Variants in ZNF676 observed in about 807,000 individuals in gnomAD.
ZNF676 encodes zinc finger protein 676.
In ZNF676, 4 loss-of-function variants were observed where a neutral mutation model predicts 6.0. The observed-to-expected ratio is 0.67, with a 90% CI of 0.33 to 1.53. The LOEUF is 1.53. Ranked by LOEUF, ZNF676 falls within the 40% of genes most tolerant of loss-of-function variation. ZNF676 has a pLI of 0.06. For missense variants in ZNF676, 644 were observed against 679.7 expected, an observed-to-expected ratio of 0.95 and a Z score of 0.58; for synonymous variants, 198 against 223.1, an observed-to-expected ratio of 0.89 and a Z score of 1.00.
the ZNF676 span, among the ~76,000 whole-genome samples, chr19:22,253,666 A>G: frequency 1.3e-5 from 2 of 151,966 alleles, no homozygotes; most frequent in African/African-American, 4.8e-5. Context: ...CAGAATTAGA[A>G]ATGAGTCACC....
rs193139971 is a variant in ZNF676 at position 22,208,157 on chromosome 19, G to A, written c.3+7475C>T. ...AAGGAAACTAGCAACACAGTAAAGA[G>A]ACACCCTACAAAATAATAGGAAATA... On this transcript the variant is annotated intron_variant, in intron 1 of 3. Transcript: ENST00000650058. 3.5e-3 allele frequency among the ~76,000 whole-genome samples: 526 copies of A among 150,780 alleles called. 1 individual carries two copies. Among genetic ancestry groups the A allele is most frequent in the Middle Eastern group, 6.8e-3 (2 of 292 alleles).
intron 2 of ZNF676, among the ~76,000 whole-genome samples, chr19:22,188,597 T>TA (rs1381430570): frequency 6.6e-6 from 1 of 152,158 alleles, no homozygotes; most frequent in Non-Finnish European, 1.5e-5. Context: ...GACATGTTTG[T>TA]ATATTTAGAA....
the ZNF676 span, among the ~76,000 whole-genome samples, chr19:22,248,967 T>A: frequency 1.3e-5 from 2 of 152,214 alleles, no homozygotes; most frequent in African/African-American, 2.4e-5. Context: ...TGACCTCAAG[T>A]GATCTGCCCA....
intron 1 of ZNF676, among the ~76,000 whole-genome samples, chr19:22,206,056 A>AAC (rs71180523): frequency 0.028 from 4,076 of 146,584 alleles, 53 homozygotes; most frequent in East Asian, 0.066. Flanking sequence ...CCCAAAACTC[A>AAC]ACACACACAC....
chr19:22,209,468 C>T (rs929229860), intron 1 of ZNF676, among the ~76,000 whole-genome samples: 1 of 151,858 alleles, frequency 6.6e-6, no homozygotes, highest in Admixed American at 6.6e-5. Context: ...CACATGAACA[C>T]AGAGGGGAAA....
At chr19:22,250,981 G>A in the ZNF676 span, among the ~76,000 whole-genome samples, 1 of 152,092 alleles carries the variant, frequency 6.6e-6, no homozygotes, top group Non-Finnish European at 1.5e-5. Context: ...CATAGTGCTG[G>A]GATTACAAGT....
In ZNF676 at chr19:22,180,661, A is replaced by T; in HGVS notation, c.1056T>A (p.Leu352=). 2 of 1,611,474 alleles carry T rather than the reference A, an allele frequency of 1.2e-6. No homozygotes were observed. The highest frequency in any genetic ancestry group is 1.7e-6 in the Non-Finnish European group (2 of 1,178,818). Residue 352 remains leucine (L), a synonymous_variant, in exon 3 of 3, where the codon CTT becomes CTA. Transcript: ENST00000397121. ...CAGTATGAATAATCTTATGTTTAGT[A>T]AGGATTGAGGATCGATTAAAAGCTT... ...CGKAFNRSSI[L]TKHKIIHTGE...
the ZNF676 span, among the ~76,000 whole-genome samples, chr19:22,223,442 C>A: frequency 6.6e-6 from 1 of 151,780 alleles, no homozygotes; most frequent in African/African-American, 2.4e-5. Context: ...ATGCCTGGAT[C>A]TCTCATAAAC....
At chr19:22,232,001 AT>A in the ZNF676 span, among the ~76,000 whole-genome samples, 1 of 152,032 alleles carries the variant, frequency 6.6e-6, no homozygotes. Context: ...TAATAGATTT[AT>A]TTACTGGGAA....
At chr19:22,217,797 G>A (rs765487581), upstream of ZNF676, among the ~76,000 whole-genome samples, 1 of 151,908 alleles carries the variant, frequency 6.6e-6, no homozygotes, top group African/African-American at 2.4e-5. Flanking sequence ...TCCACCTCCC[G>A]GGTTCAAGCG....
chr19:22,243,206 TG>T, the ZNF676 span: 2 of 151,996 alleles, frequency 1.3e-5, no homozygotes, highest in East Asian at 3.9e-4. Context: ...AATCTTTCTG[TG>T]GGCAGGGTCT....
chr19:22,233,162 C>A, the ZNF676 span, among the ~76,000 whole-genome samples: 1 of 152,054 alleles, frequency 6.6e-6, no homozygotes, highest in Admixed American at 6.6e-5. Flanking sequence ...TATTTACATG[C>A]TCATAATAAT....
intron 1 of ZNF676, among the ~76,000 whole-genome samples, chr19:22,195,318 A>T (rs1422268822): frequency 6.6e-6 from 1 of 152,148 alleles, no homozygotes; most frequent in Non-Finnish European, 1.5e-5. Flanking sequence ...CCCAGTAAGG[A>T]TTAGCCCCCG....
At chr19:22,212,247 A>T (rs1320844040) in intron 1 of ZNF676, among the ~76,000 whole-genome samples, 5 of 151,812 alleles carry the variant, frequency 3.3e-5, no homozygotes, top group Non-Finnish European at 7.4e-5. Context: ...ACACCTGAGA[A>T]AACTCCTAAA....
the ZNF676 span, among the ~76,000 whole-genome samples, chr19:22,252,695 C>G: frequency 6.6e-6 from 1 of 152,140 alleles, no homozygotes; most frequent in South Asian, 2.1e-4. Context: ...TTGGACTCAG[C>G]AATATGTCAC....
the ZNF676 span, among the ~76,000 whole-genome samples, chr19:22,255,779 A>C: frequency 6.6e-6 from 1 of 151,458 alleles, no homozygotes; most frequent in Non-Finnish European, 1.5e-5. Context: ...TGGGAGGCAG[A>C]GCTTGCAGTG....
intron 2 of ZNF676, among the ~76,000 whole-genome samples, chr19:22,183,442 GT>G (rs1387593601): frequency 6.6e-6 from 1 of 152,060 alleles, no homozygotes; most frequent in Non-Finnish European, 1.5e-5. Flanking sequence ...GGTTCAAGCA[GT>G]TCTCCTGCCT....
rs1451647122 is a variant in ZNF676, at chr19:22,212,860, G to T, written c.3+2772C>A. On this transcript the variant is annotated intron_variant, in intron 1 of 3. Coordinates refer to the ZNF676 transcript ENST00000650058. The stretch of plus-strand genomic sequence containing the variant: ...AAATACAAAAATTAGCCAGGCATGT[G>T]GGTGCACGCCTGTAGTCCCAGCTAC... Among the ~76,000 whole-genome samples, 13 of 150,138 alleles carry T rather than the reference G, an allele frequency of 8.7e-5. No homozygotes were observed. In the East Asian group the frequency reaches 2.4e-3, roughly 28 times the overall value.
chr19:22,181,645 T>C, intron 2 of ZNF676, 59 bp from the exon 3 acceptor site: 2 of 1,317,330 alleles, frequency 1.5e-6, no homozygotes, highest in East Asian at 2.5e-5. Flanking sequence ...AAGTACAGTT[T>C]CCAAATCTAA....
Sources: allele counts gnomAD v4.1 joint callset (sites outside exome capture counted in the v4.1 genomes callset), GRCh38; gene constraint gnomAD v4.1.1; transcripts MANE v1.5; gene names NCBI Gene and HGNC (gene_info 2026-07-23, HGNC 2026-07-21).